BICD1: variants seen among roughly 807,000 people sequenced by gnomAD.
BICD1 encodes the protein BICD cargo adaptor 1.
A neutral mutation model predicts 92.5 loss-of-function variants in BICD1; 35 were observed. The observed-to-expected ratio is 0.38, with a 90% CI of 0.29 to 0.50. BICD1 has a LOEUF of 0.50. Ranked by LOEUF, BICD1 falls within the 20% of genes least tolerant of loss-of-function variation. The probability of loss-of-function intolerance (pLI) is 0.93; values close to 1 mark genes in which losing one functional copy is unlikely to be tolerated. For synonymous variants in BICD1, 429 were observed against 465.1 expected (o/e 0.92, Z 1.00); for missense variants, 950 against 1,189.8 (o/e 0.80, Z 2.97).
intron 3 of BICD1, among the ~76,000 whole-genome samples, chr12:32,297,638 A>G (rs982038937): frequency 2.0e-5 from 3 of 152,226 alleles, no homozygotes; most frequent in Admixed American, 1.3e-4. Flanking sequence ...ATAGTCCTTC[A>G]GCCTGGTTTG....
intron 1 of BICD1, among the ~76,000 whole-genome samples, chr12:32,120,443 A>T (rs1942101143): frequency 6.6e-6 from 1 of 152,244 alleles, no homozygotes; most frequent in Non-Finnish European, 1.5e-5. Context: ...GGTCTGTGAT[A>T]GAAGGTTCAG....
chr12:32,370,736 C>T (rs571613221), intron 9 of BICD1, among the ~76,000 whole-genome samples: 45 of 152,320 alleles, frequency 3.0e-4, no homozygotes, highest in South Asian at 1.0e-3. Flanking sequence ...GGGAATTCAG[C>T]GAGGCACGCT....
chr12:32,238,413 C>A (rs547752706), intron 2 of BICD1, among the ~76,000 whole-genome samples: 1 of 152,252 alleles, frequency 6.6e-6, no homozygotes, highest in Admixed American at 6.5e-5. Flanking sequence ...GAAATGATTT[C>A]TTGGGAGGGA....
Position 32,119,149 on chromosome 12 carries a change from G to A in BICD1, c.213+11605G>A, listed in dbSNP as rs537441387. On this transcript the variant is annotated intron_variant, in intron 1 of 9. Coordinates refer to ENST00000652176, the MANE Select transcript of BICD1 (RefSeq NM_001714.4). ...GAAGAGGACAAGTGCCAAGATCTGC[G>A]AACTCTGTTGTAGTTGTTAGGGGAA... Among the ~76,000 whole-genome samples, 24 of 152,302 alleles carry A rather than the reference G, an allele frequency of 1.6e-4. No homozygotes were observed. In the South Asian group the frequency reaches 2.9e-3, roughly 18 times the overall value.
chr12:32,177,745 A>AT lies in BICD1; in HGVS notation c.214-38502_214-38501insT, dbSNP rs1217401732. ...TAAATATATTTATATATTTATATAA[A>AT]ATATATATAAATATTTTAATATATA... On this transcript the variant is annotated intron_variant, in intron 1 of 9. Transcript: ENST00000652176. Among the ~76,000 whole-genome samples the AT allele has an allele frequency of 5.3e-4, 74 of 140,404 alleles. 3 individuals are homozygous for AT. The East Asian group carries it at 0.014, about 26-fold the overall frequency. The allele number at this position is 140,404 out of a possible 152,430, so 92.1% of individuals were successfully genotyped here.
chr12:32,330,264 T>C (rs1037771654), intron 5 of BICD1, among the ~76,000 whole-genome samples: 35 of 152,178 alleles, frequency 2.3e-4, no homozygotes, highest in African/African-American at 8.0e-4. Flanking sequence ...GTTGTCACTT[T>C]AGAGAAATAG....
intron 1 of BICD1, among the ~76,000 whole-genome samples, chr12:32,200,121 A>G (rs1944864318): frequency 6.6e-6 from 1 of 152,256 alleles, no homozygotes; most frequent in Admixed American, 6.5e-5. Flanking sequence ...GGAAGAAAGT[A>G]TAATGGCAAA....
chr12:32,211,749 G>A (rs954722631), intron 1 of BICD1, among the ~76,000 whole-genome samples: 3 of 151,256 alleles, frequency 2.0e-5, no homozygotes, highest in African/African-American at 7.3e-5. Context: ...CACAGTTCAT[G>A]CTAATTTTAA....
chr12:32,289,887 T>G (rs1416120573), intron 2 of BICD1, among the ~76,000 whole-genome samples: 1 of 152,278 alleles, frequency 6.6e-6, no homozygotes, highest in Non-Finnish European at 1.5e-5. Context: ...AAGGTTCTTT[T>G]AAGTTGGCAA....
chr12:32,295,050 C>G (rs896451705), intron 3 of BICD1, among the ~76,000 whole-genome samples: 19 of 144,632 alleles, frequency 1.3e-4, no homozygotes, highest in African/African-American at 5.0e-4. Flanking sequence ...CCACTGCACT[C>G]CAGCCTGGGT....
At chr12:32,187,942 GC>G (rs983019096) in intron 1 of BICD1, among the ~76,000 whole-genome samples, 12 of 121,738 alleles carry the variant, frequency 9.9e-5, no homozygotes, top group African/African-American at 3.3e-4. Flanking sequence ...TACTATAAAT[GC>G]ATTTTTTTTT....
chr12:32,213,268 G>T (rs1198182253), intron 1 of BICD1, among the ~76,000 whole-genome samples: 1 of 152,166 alleles, frequency 6.6e-6, no homozygotes, highest in Non-Finnish European at 1.5e-5. Flanking sequence ...CCCGACCAGT[G>T]ATTTTGTACA....
chr12:32,348,479 T>C (rs1370445131), intron 8 of BICD1, among the ~76,000 whole-genome samples: 1 of 151,962 alleles, frequency 6.6e-6, no homozygotes, highest in Non-Finnish European at 1.5e-5. Flanking sequence ...AAGAAGTACT[T>C]ATTTGATATT....
chr12:32,375,309 A>G (rs1216290691), intron 9 of BICD1, among the ~76,000 whole-genome samples: 3 of 152,034 alleles, frequency 2.0e-5, no homozygotes, highest in African/African-American at 7.2e-5. Context: ...TGGGCAGATC[A>G]CTTGAAGTCA....
chr12:32,116,947 T>G (rs1941937736), intron 1 of BICD1, among the ~76,000 whole-genome samples: 1 of 151,434 alleles, frequency 6.6e-6, no homozygotes, highest in South Asian at 2.1e-4. Flanking sequence ...AAACTCACTT[T>G]TCTTCTGGAT....
chr12:32,264,579 C>T (rs956588905), intron 2 of BICD1, among the ~76,000 whole-genome samples: 2 of 152,114 alleles, frequency 1.3e-5, no homozygotes, highest in African/African-American at 4.8e-5. Flanking sequence ...CCTCTGCCTC[C>T]TGGGTCCAAG....
At chr12:32,351,571 AT>A (rs1938883753) in intron 8 of BICD1, among the ~76,000 whole-genome samples, 1 of 147,896 alleles carries the variant, frequency 6.8e-6, no homozygotes, top group Non-Finnish European at 1.5e-5. Flanking sequence ...TACATAATTT[AT>A]TTTGCAGAAT....
rs776895522 is a variant in BICD1, at chr12:32,328,399, A to G, written c.1944A>G (p.Gln648=). ...HLQKAVDRSL[Q]LSRQRAAARE... ...AGAAAGCTGTGGACCGGTCCTTGCAACTGTCTCGTCAAAGAGCAGCGGCTC... is the reference window on the plus strand; with the variant it reads ...AGAAAGCTGTGGACCGGTCCTTGCAGCTGTCTCGTCAAAGAGCAGCGGCTC... The change falls in exon 5 of 10, where the codon CAA becomes CAG. Residue 648 remains glutamine (Q), a synonymous_variant. Transcript: ENST00000652176. This position sits in a 1 kb window ranked among gnomAD's most constrained non-coding sequence, Gnocchi z 4.4. The G allele has an allele frequency of 6.2e-6, 10 of 1,614,094 alleles. No individual in the cohort carries two copies. The highest frequency in any genetic ancestry group is 8.5e-6 in the Non-Finnish European group (10 of 1,180,042).
At chr12:32,230,095 G>A (rs748685742) in intron 2 of BICD1, among the ~76,000 whole-genome samples, 6 of 152,116 alleles carry the variant, frequency 3.9e-5, no homozygotes, top group Non-Finnish European at 7.4e-5. Flanking sequence ...TCCTCACTGC[G>A]GTGGAAGCAA....
Sources: allele counts gnomAD v4.1 joint callset (sites outside exome capture counted in the v4.1 genomes callset), GRCh38; gene constraint gnomAD v4.1.1; non-coding constraint Gnocchi (gnomAD v3.1); transcripts MANE v1.5; gene names NCBI Gene and HGNC (gene_info 2026-07-23, HGNC 2026-07-21).